The following UTRN variants were observed in gnomAD, a reference collection of about 807,000 sequenced individuals.
UTRN encodes dystrophin-related protein 1.
A neutral mutation model predicts 463.9 loss-of-function variants in UTRN; 283 were observed. That is an observed-to-expected ratio of 0.61 (90% confidence interval 0.55 to 0.67). UTRN has a LOEUF of 0.67. Ranked by LOEUF, UTRN falls within the 30% of genes least tolerant of loss-of-function variation. The pLI, the probability that UTRN is intolerant of heterozygous loss-of-function variation, is 0.00. For synonymous variants in UTRN, 1,442 were observed against 1,431.5 expected (o/e 1.01, Z -0.17); for missense variants, 3,922 against 4,084.3 (o/e 0.96, Z 1.08).
At chr6:144,733,838 C>T (rs1026230764) in intron 54 of UTRN, among the ~76,000 whole-genome samples, 1 of 152,100 alleles carries the variant, frequency 6.6e-6, no homozygotes, top group African/African-American at 2.4e-5. Flanking sequence ...TCAGCCCAGT[C>T]CTGTTGGATA....
At chr6:144,690,079 TTTTTTTTTTTTTTTTTTGTGTGTGTGTG>T (rs1200090920) in intron 52 of UTRN, among the ~76,000 whole-genome samples, 13 of 35,710 alleles carry the variant, frequency 3.6e-4, no homozygotes, top group African/African-American at 2.0e-3. Flanking sequence ...TTTCTGTTTT[TTTTTTTTTTTTTTTTTTGTGTGTGTGTG>T]TGTGTGTGTG....
chr6:144,732,567 C>T (rs1469805607), intron 54 of UTRN, among the ~76,000 whole-genome samples: 4 of 151,700 alleles, frequency 2.6e-5, no homozygotes, highest in African/African-American at 9.7e-5. Flanking sequence ...CGTGTTTCTC[C>T]CCTGATTATA....
At chr6:144,479,203 C>T (rs1484793320) in intron 25 of UTRN, among the ~76,000 whole-genome samples, 2 of 146,946 alleles carry the variant, frequency 1.4e-5, no homozygotes, top group Non-Finnish European at 3.0e-5. Flanking sequence ...ACTGCAACCT[C>T]TGCCACCCAG....
intron 72 of UTRN, 59 bp downstream of exon 72, chr6:144,839,343 T>C: frequency 4.2e-6 from 6 of 1,411,804 alleles, no homozygotes; most frequent in Non-Finnish European, 5.9e-6. Flanking sequence ...TGCCATTAGT[T>C]TGTGTTTCCT....
intron 60 of UTRN, among the ~76,000 whole-genome samples, chr6:144,774,603 T>C (rs545086892): frequency 6.6e-6 from 1 of 152,264 alleles, no homozygotes; most frequent in East Asian, 1.9e-4. Context: ...ACAGGAGTAA[T>C]GTAAAAAGCT....
At chr6:144,818,260 G>C (rs1464836102) in intron 65 of UTRN, among the ~76,000 whole-genome samples, 2 of 152,210 alleles carry the variant, frequency 1.3e-5, no homozygotes, top group Non-Finnish European at 2.9e-5. Flanking sequence ...GCTTGCCATG[G>C]GTTGTGGGAG....
chr6:144,410,164 A>G (rs1019175656), intron 3 of UTRN, among the ~76,000 whole-genome samples: 1 of 152,270 alleles, frequency 6.6e-6, no homozygotes, highest in Admixed American at 6.5e-5. Context: ...GGAGCAGTGT[A>G]CCTGCCTCTC....
chr6:144,617,800 G>A (rs1806295901), intron 51 of UTRN, among the ~76,000 whole-genome samples: 1 of 152,104 alleles, frequency 6.6e-6, no homozygotes, highest in Non-Finnish European at 1.5e-5. Flanking sequence ...AAGCTGCACA[G>A]AGCTACTGTT....
At position 144,690,073 on chromosome 6, in the gene UTRN, T is replaced by TA. The variant is rs1562770308; in HGVS notation, c.7653-10014_7653-10013insA. ...GGGCCATAGAGCTCCCAAAAGTTTC[T>TA]GTTTTTTTTTTTTTTTTTTTTTTGT... is the stretch of plus-strand genomic sequence containing the variant. On this transcript the variant is annotated intron_variant, in intron 52 of 74. Coordinates refer to ENST00000367545, the MANE Select transcript of UTRN (RefSeq NM_007124.3). 3.8e-4 allele frequency among the ~76,000 whole-genome samples: 24 copies of TA among 63,812 alleles called. 2 individuals are homozygous for TA. Among genetic ancestry groups the TA allele is most frequent in the African/African-American group, 1.1e-3 (14 of 13,020 alleles). 41.9% of individuals were successfully genotyped at this position (63,812 alleles called of 152,430 possible). A position where few individuals can be genotyped will look rare whatever the true frequency, so the allele number is the denominator to read the frequency against.
chr6:144,789,132 C>A, intron 61 of UTRN, 62 bp from the exon 62 acceptor site: 3 of 1,292,070 alleles, frequency 2.3e-6, no homozygotes, highest in Non-Finnish European at 3.3e-6. Flanking sequence ...TATTCAGAAA[C>A]AATGAACATG....
At chr6:144,482,499 C>A in intron 27 of UTRN, 111 bp downstream of exon 27, 1 of 735,570 alleles carries the variant, frequency 1.4e-6, no homozygotes, top group Non-Finnish European at 1.8e-6. Flanking sequence ...ATTTTCAAAT[C>A]TTGGAGAAAA....
At chr6:144,355,686 A>G (rs1456219877) in intron 2 of UTRN, among the ~76,000 whole-genome samples, 4 of 152,184 alleles carry the variant, frequency 2.6e-5, no homozygotes, top group Admixed American at 6.5e-5. Flanking sequence ...AGTTGCAAAG[A>G]TGGTATGTAA....
chr6:144,744,320 A>ATGTG lies in UTRN; in HGVS notation c.7940-3896_7940-3893dup, dbSNP rs757430794. Among the ~76,000 whole-genome samples the ATGTG allele has an allele frequency of 2.4e-3, 232 of 95,436 alleles. 2 individuals carry two copies. The highest frequency in any genetic ancestry group is 0.01 in the Middle Eastern group (2 of 192). The allele number at this position is 95,436 out of a possible 152,430, so 62.6% of individuals were successfully genotyped here. ...ATGGTGTATACATATATATATATAT[A>ATGTG]TGTGTGTGTGTGTGTGTGTGTGTGT... On this transcript the variant is annotated intron_variant, in intron 54 of 74. Transcript: ENST00000367545.
At chr6:144,373,336 A>G (rs1377281060) in intron 2 of UTRN, among the ~76,000 whole-genome samples, 1 of 152,250 alleles carries the variant, frequency 6.6e-6, no homozygotes, top group East Asian at 1.9e-4. Context: ...TTATTCAGCC[A>G]TACAGGAAAT....
Position 144,666,701 on chromosome 6 carries a change from C to T in UTRN, c.7480-11705C>T, listed in dbSNP as rs1240377242. Among the ~76,000 whole-genome samples the T allele has an allele frequency of 3.3e-5, 5 of 152,114 alleles. No individual in the cohort carries two copies. The East Asian group carries it at 9.6e-4, about 29-fold the overall frequency. On this transcript the variant is annotated intron_variant, in intron 51 of 74. Coordinates refer to ENST00000367545, the MANE Select transcript of UTRN (RefSeq NM_007124.3). ...GATCACTTGTGGTTTGATTTTCTTCCCAACTTTTGATGATGATCATGTGTG... is the reference window on the plus strand; with the variant it reads ...GATCACTTGTGGTTTGATTTTCTTCTCAACTTTTGATGATGATCATGTGTG...
intron 34 of UTRN, among the ~76,000 whole-genome samples, chr6:144,503,487 C>T (rs887906816): frequency 6.6e-6 from 1 of 152,134 alleles, no homozygotes; most frequent in Non-Finnish European, 1.5e-5. Context: ...GTTTTCCCAA[C>T]ACCATTTATT....
chr6:144,384,218 G>A (rs1781199227), intron 2 of UTRN, among the ~76,000 whole-genome samples: 2 of 152,058 alleles, frequency 1.3e-5, no homozygotes, highest in Non-Finnish European at 2.9e-5. Flanking sequence ...CCAAGCCCTG[G>A]GCCACAGGTC....
Position 144,493,364 on chromosome 6 carries a change from C to T in UTRN, c.4501C>T (p.His1501Tyr). ...GGAAACTGTGATTAAAACAGGAAGA[C>T]ATATTGTCCAGAAACAGCAAACGGA... The part of the protein sequence containing the change: ...EVETVIKTGR[H>Y]IVQKQQTDNP... The change falls in exon 33 of 75, where the codon CAT becomes TAT. Residue 1501 changes from histidine (H) to tyrosine (Y), a missense_variant. Physicochemically the swap from His to Tyr is moderately conservative, Grantham distance 83. Coordinates refer to ENST00000367545, the MANE Select transcript of UTRN (RefSeq NM_007124.3). The T allele has an allele frequency of 6.2e-7, 1 of 1,614,100 alleles. No homozygotes were observed.
chr6:144,756,596 G>A (rs1462024833), intron 57 of UTRN, among the ~76,000 whole-genome samples: 1 of 152,122 alleles, frequency 6.6e-6, no homozygotes, highest in Non-Finnish European at 1.5e-5. Flanking sequence ...TATAAAAGAA[G>A]CCTGTTTAGT....
Sources: gnomAD v4.1 joint callset for allele counts (sites outside exome capture counted in the v4.1 genomes callset) on GRCh38, gnomAD v4.1.1 for gene constraint, MANE v1.5 for transcripts, NCBI Gene and HGNC (gene_info 2026-07-23, HGNC 2026-07-21) for gene names.